The following CBFA2T2 variants were observed in gnomAD, a reference collection of about 807,000 sequenced individuals.
CBFA2T2 encodes CBFA2/RUNX1 partner transcriptional co-repressor 2.
In CBFA2T2, 11 loss-of-function variants were observed where a neutral mutation model predicts 62.2. That is an observed-to-expected ratio of 0.18 (90% CI 0.11 to 0.29). The LOEUF (loss-of-function observed/expected upper bound fraction) is 0.29, where lower values mean the gene tolerates loss of function less well. Among genes scored for constraint, CBFA2T2 ranks in the 10% least tolerant of loss-of-function variants. The pLI is 1.00. For missense variants in CBFA2T2, 592 were observed against 774.1 expected (o/e 0.76, Z 2.79); for synonymous variants, 295 against 287.5 (o/e 1.03, Z -0.27).
intron 6 of CBFA2T2, 69 bp downstream of exon 6, chr20:33,625,086 G>T: frequency 6.8e-7 from 1 of 1,479,038 alleles, no homozygotes; most frequent in Non-Finnish European, 9.3e-7. Flanking sequence ...CAATGATAAA[G>T]TCAAATAATA....
intron 6 of CBFA2T2, 131 bp downstream of exon 6, chr20:33,625,148 A>G: frequency 1.2e-6 from 1 of 860,774 alleles, no homozygotes; most frequent in Non-Finnish European, 1.8e-6. Flanking sequence ...ATAGACTATT[A>G]GAATCATAGT....
rs76214342 is a variant in CBFA2T2, at chr20:33,499,180, C to T, written c.34+8879C>T. Among the ~76,000 whole-genome samples, 448 of 152,268 alleles carry T rather than the reference C, an allele frequency of 2.9e-3. 1 individual carries two copies. Among genetic ancestry groups the T allele is most frequent in the African/African-American group, 0.01 (432 of 41,542 alleles). ...AATGATAGTGCTTAATGAATGATTGCAGCCCTGGGATCAAAATGAGTTAAT... is the reference window on the plus strand; with the variant it reads ...AATGATAGTGCTTAATGAATGATTGTAGCCCTGGGATCAAAATGAGTTAAT... On this transcript the variant is annotated intron_variant, in intron 1 of 10. Transcript: ENST00000342704.
chr20:33,622,499 A>T (rs767606118), intron 4 of CBFA2T2, among the ~76,000 whole-genome samples: 2 of 152,206 alleles, frequency 1.3e-5, no homozygotes, highest in Non-Finnish European at 2.9e-5. Context: ...GCTTTTAAAG[A>T]TGTATAGGGT....
intron 1 of CBFA2T2, among the ~76,000 whole-genome samples, chr20:33,545,913 T>C (rs967437841): frequency 6.6e-6 from 1 of 152,228 alleles, no homozygotes; most frequent in African/African-American, 2.4e-5. Context: ...TGAGGAAATA[T>C]GATTAGACTT....
chr20:33,514,206 G>GTTTTTT (rs1196003433), intron 1 of CBFA2T2, among the ~76,000 whole-genome samples: 3 of 53,346 alleles, frequency 5.6e-5, no homozygotes, highest in Admixed American at 2.4e-4. Context: ...CCCTGCCTTT[G>GTTTTTT]TTTTTTTTTT....
At chr20:33,534,959 G>T (rs1453176128) in intron 1 of CBFA2T2, among the ~76,000 whole-genome samples, 1 of 152,194 alleles carries the variant, frequency 6.6e-6, no homozygotes, top group African/African-American at 2.4e-5. Flanking sequence ...TCCAGAGACA[G>T]GAAGTGAGTG....
At position 33,646,695 on chromosome 20, in the gene CBFA2T2, A is replaced by G. The variant is rs1263882773; in HGVS notation, c.*2049A>G. 6.7e-6 allele frequency: 1 copy of G among 149,856 alleles called. No homozygotes were observed. The highest frequency in any genetic ancestry group is 1.5e-5 in the Non-Finnish European group (1 of 67,296). 9.3% of individuals were successfully genotyped at this position (149,856 alleles called of 1,614,324 possible). A position where few individuals can be genotyped will look rare whatever the true frequency, so the allele number is the denominator to read the frequency against. ...ACATGGTGAAACCCTGTCTCTAATAAAAAAAAAATAGAAAAATCAGCCGGG... is the reference window on the plus strand; with the variant it reads ...ACATGGTGAAACCCTGTCTCTAATAGAAAAAAAATAGAAAAATCAGCCGGG... On this transcript the variant is annotated 3_prime_UTR_variant, in exon 11 of 11. Transcript: ENST00000342704.
At chr20:33,616,014 T>TGCCATGA (rs1264863173) in intron 3 of CBFA2T2, among the ~76,000 whole-genome samples, 3 of 151,866 alleles carry the variant, frequency 2.0e-5, no homozygotes, top group Admixed American at 1.3e-4. Context: ...AGTTCGAGGC[T>TGCCATGA]GCCATGAGCC....
At position 33,490,225 on chromosome 20, in the gene CBFA2T2, G is replaced by A. The variant is rs2011135950; in HGVS notation, c.-43G>A. On this transcript the variant is annotated 5_prime_UTR_variant, in exon 1 of 11. Coordinates refer to ENST00000342704, the MANE Select transcript of CBFA2T2 (RefSeq NM_001032999.3). The stretch of plus-strand genomic sequence containing the variant: ...CGGGCGGCGCCTGCGAGGGACCCGT[G>A]TCGCGGGTAGAGGCGGGCGGCGCGC... 1.6e-6 allele frequency: 2 copies of A among 1,223,958 alleles called. No individual in the cohort carries two copies. The highest frequency in any genetic ancestry group is 6.5e-5 in the East Asian group (2 of 30,866). 75.8% of individuals were successfully genotyped at this position (1,223,958 alleles called of 1,614,324 possible). A position where few individuals can be genotyped will look rare whatever the true frequency, so the allele number is the denominator to read the frequency against.
intron 2 of CBFA2T2, among the ~76,000 whole-genome samples, chr20:33,607,913 C>T (rs1384529565): frequency 6.6e-6 from 1 of 152,200 alleles, no homozygotes; most frequent in Non-Finnish European, 1.5e-5. Context: ...TATTCAACTT[C>T]ACTAACCATC....
intron 1 of CBFA2T2, among the ~76,000 whole-genome samples, chr20:33,505,239 T>C (rs151272457): frequency 0.016 from 2,511 of 152,302 alleles, 70 homozygotes; most frequent in African/African-American, 0.057. Context: ...GATATGGGTG[T>C]CATCCCAGTC....
intron 1 of CBFA2T2, among the ~76,000 whole-genome samples, chr20:33,497,192 G>C (rs951397942): frequency 6.9e-6 from 1 of 144,326 alleles, no homozygotes; most frequent in East Asian, 2.1e-4. Context: ...AGAATTGCTT[G>C]AACCCGGGAG....
At chr20:33,622,798 C>T (rs1005453499) in intron 4 of CBFA2T2, among the ~76,000 whole-genome samples, 2 of 152,176 alleles carry the variant, frequency 1.3e-5, no homozygotes, top group Admixed American at 1.3e-4. Context: ...CTAAAGTCTT[C>T]AGAAGCGTAT....
At chr20:33,522,847 C>T (rs921560926) in intron 1 of CBFA2T2, among the ~76,000 whole-genome samples, 20 of 152,086 alleles carry the variant, frequency 1.3e-4, no homozygotes, top group African/African-American at 3.1e-4. Flanking sequence ...AGTAGTTTTG[C>T]CTATCATACT....
intron 6 of CBFA2T2, among the ~76,000 whole-genome samples, chr20:33,627,818 G>T (rs980144864): frequency 6.6e-6 from 1 of 152,126 alleles, no homozygotes; most frequent in African/African-American, 2.4e-5. Flanking sequence ...TGTGACTTAG[G>T]TTTAAAATAG....
intron 9 of CBFA2T2, among the ~76,000 whole-genome samples, chr20:33,638,422 G>A (rs1051264651): frequency 2.6e-5 from 4 of 152,112 alleles, no homozygotes; most frequent in Non-Finnish European, 2.9e-5. Flanking sequence ...GACCTTAGAC[G>A]ACCTCCAGTA....
At chr20:33,592,314 G>C (rs2014681937) in intron 1 of CBFA2T2, among the ~76,000 whole-genome samples, 1 of 150,530 alleles carries the variant, frequency 6.6e-6, no homozygotes, top group Admixed American at 6.7e-5. Flanking sequence ...AGTGAGCCAA[G>C]ATCATGTCAC....
At chr20:33,633,942 C>T (rs17124852) in intron 8 of CBFA2T2, among the ~76,000 whole-genome samples, 16,873 of 152,074 alleles carry the variant, frequency 0.11, 2,541 homozygotes, top group African/African-American at 0.33. Context: ...AGCCATCTAA[C>T]TTTGCAAGTA....
At chr20:33,606,631 T>G (rs2015351215) in intron 1 of CBFA2T2, among the ~76,000 whole-genome samples, 1 of 152,160 alleles carries the variant, frequency 6.6e-6, no homozygotes, top group Non-Finnish European at 1.5e-5. Flanking sequence ...TCTCTTTGGC[T>G]TCCCTCTGTG....
Sources: gnomAD v4.1 joint callset for allele counts (sites outside exome capture counted in the v4.1 genomes callset) on GRCh38, gnomAD v4.1.1 for gene constraint, MANE v1.5 for transcripts, NCBI Gene and HGNC (gene_info 2026-07-23, HGNC 2026-07-21) for gene names.